Variants in CREB5 observed in about 807,000 individuals in gnomAD.
CREB5 encodes the protein cAMP responsive element binding protein 5.
Under a neutral mutation model 57.1 loss-of-function variants are expected in CREB5, and 19 were observed. That is an observed-to-expected ratio of 0.33 (90% CI 0.23 to 0.49). The LOEUF is 0.49. Ranked by LOEUF, CREB5 falls within the 20% of genes least tolerant of loss-of-function variation. The probability of loss-of-function intolerance (pLI) is 0.99; values close to 1 mark genes in which losing one functional copy is unlikely to be tolerated. For missense variants in CREB5, 579 were observed against 671.6 expected (o/e 0.86, Z 1.52); for synonymous variants, 238 against 238.3 (o/e 1.00, Z 0.01).
chr7:28,487,257 G>A (rs1028821281), intron 1 of CREB5, among the ~76,000 whole-genome samples: 11 of 152,054 alleles, frequency 7.2e-5, no homozygotes, highest in Admixed American at 2.6e-4. Flanking sequence ...CTTCAGTGCC[G>A]ATTACATTAG....
At chr7:28,764,602 A>G (rs1165012572) in intron 7 of CREB5, among the ~76,000 whole-genome samples, 1 of 152,160 alleles carries the variant, frequency 6.6e-6, no homozygotes, top group African/African-American at 2.4e-5. Context: ...TTTGGGTTCT[A>G]TTTTCATATT....
Position 28,820,695 on chromosome 7 carries a change from C to A in CREB5, c.*1416C>A. On this transcript the variant is annotated 3_prime_UTR_variant, in exon 11 of 11. Transcript: ENST00000357727. ...TCATGGATCACTGCAGCAGCATCCTCCGAGTTCAAGCTATCCTTCCACCTC... is the reference window on the plus strand; with the variant it reads ...TCATGGATCACTGCAGCAGCATCCTACGAGTTCAAGCTATCCTTCCACCTC... 1.2e-5 allele frequency: 1 copy of A among 81,014 alleles called. No individual in the cohort carries two copies. The highest frequency in any genetic ancestry group is 5.6e-4 in the South Asian group (1 of 1,770). The allele number at this position is 81,014 out of a possible 1,614,324, so 5.0% of individuals were successfully genotyped here.
intron 5 of CREB5, among the ~76,000 whole-genome samples, chr7:28,649,992 A>G (rs1232385918): frequency 6.6e-6 from 1 of 152,196 alleles, no homozygotes; most frequent in Non-Finnish European, 1.5e-5. Flanking sequence ...ATGCAGACTC[A>G]TGGCCATGTC....
rs556905346 is a variant in CREB5, at chr7:28,368,987, A to G, written c.-25+69546A>G. Among the ~76,000 whole-genome samples, 4 of 152,352 alleles carry G rather than the reference A, an allele frequency of 2.6e-5. No homozygotes were observed. The East Asian group carries it at 7.7e-4, about 29-fold the overall frequency. On this transcript the variant is annotated intron_variant, in intron 1 of 9. Coordinates refer to the CREB5 transcript ENST00000396299. ...CTTGACCCTGGGAGGTCAAGGCTAC[A>G]GTGAGCTGGGTTGGTGCCACTGCAC...
chr7:28,739,529 G>A (rs188898126), intron 7 of CREB5, among the ~76,000 whole-genome samples: 1 of 152,288 alleles, frequency 6.6e-6, no homozygotes, highest in African/African-American at 2.4e-5. Flanking sequence ...TATTATTTGT[G>A]CTAACAAGCT....
At chr7:28,658,731 G>A (rs1020387517) in intron 5 of CREB5, among the ~76,000 whole-genome samples, 2 of 151,996 alleles carry the variant, frequency 1.3e-5, no homozygotes, top group Non-Finnish European at 1.5e-5. Flanking sequence ...TGATGGGAAG[G>A]CCATGTTGAG....
At chr7:28,750,039 A>G (rs1804892296) in intron 7 of CREB5, among the ~76,000 whole-genome samples, 1 of 152,222 alleles carries the variant, frequency 6.6e-6, no homozygotes, top group Non-Finnish European at 1.5e-5. Flanking sequence ...TAAATGATAA[A>G]GTATGTTTCC....
At chr7:28,669,212 G>T (rs112706714) in intron 5 of CREB5, among the ~76,000 whole-genome samples, 1,531 of 152,282 alleles carry the variant, frequency 0.01, 20 homozygotes, top group Non-Finnish European at 0.014. Context: ...AATCAAACAT[G>T]TCCAGTTTGG....
At chr7:28,363,225 C>T (rs1786524799) in intron 1 of CREB5, among the ~76,000 whole-genome samples, 1 of 152,132 alleles carries the variant, frequency 6.6e-6, no homozygotes. Context: ...CTTCACTTTT[C>T]TTCCCCTGTC....
At chr7:28,736,915 C>G (rs1804016190) in intron 7 of CREB5, among the ~76,000 whole-genome samples, 1 of 149,514 alleles carries the variant, frequency 6.7e-6, no homozygotes, top group African/African-American at 2.5e-5. Flanking sequence ...GTGCATGGAG[C>G]ACATCATTTC....
intron 1 of CREB5, among the ~76,000 whole-genome samples, chr7:28,332,722 A>G (rs2061602353): frequency 6.6e-6 from 1 of 152,030 alleles, no homozygotes; most frequent in Non-Finnish European, 1.5e-5. Flanking sequence ...TAACATGTAC[A>G]TTTTTCTGTA....
At chr7:28,687,119 A>G (rs917834457) in intron 5 of CREB5, among the ~76,000 whole-genome samples, 11 of 152,316 alleles carry the variant, frequency 7.2e-5, no homozygotes, top group Middle Eastern at 3.4e-3. Context: ...GTAATAGATG[A>G]TGATCCTCAA....
chr7:28,654,996 G>A (rs898570263), intron 5 of CREB5, among the ~76,000 whole-genome samples: 18 of 151,936 alleles, frequency 1.2e-4, no homozygotes, highest in African/African-American at 4.1e-4. Context: ...CTGCAGCCTC[G>A]ACCTCCTGAG....
Position 28,575,767 on chromosome 7 carries a change from C to T in CREB5, c.464+5230C>T, listed in dbSNP as rs181837528. Among the ~76,000 whole-genome samples, 3 of 152,278 alleles carry T rather than the reference C, an allele frequency of 2.0e-5. No individual in the cohort carries two copies. The East Asian group carries it at 5.8e-4, about 29-fold the overall frequency. ...GCTGTATCTTTCACAGCCCCGAGAA[C>T]ATTTACGAGGGCCCTTCTGGGGGAT... On this transcript the variant is annotated intron_variant, in intron 5 of 10. Coordinates refer to ENST00000357727, the MANE Select transcript of CREB5 (RefSeq NM_182898.4).
chr7:28,565,068 A>C (rs1035593414), intron 4 of CREB5, among the ~76,000 whole-genome samples: 11 of 152,218 alleles, frequency 7.2e-5, no homozygotes, highest in Admixed American at 3.3e-4. Flanking sequence ...AGGGTAGACA[A>C]ACTGGACTAG....
chr7:28,800,271 A>C (rs147138901), intron 7 of CREB5, among the ~76,000 whole-genome samples: 102 of 152,342 alleles, frequency 6.7e-4, no homozygotes, highest in African/African-American at 2.4e-3. Flanking sequence ...TCTGAAGTAC[A>C]TCTGAAGAAA....
chr7:28,591,086 C>A (rs1016108190), intron 5 of CREB5, among the ~76,000 whole-genome samples: 1 of 152,208 alleles, frequency 6.6e-6, no homozygotes, highest in African/African-American at 2.4e-5. Context: ...ACTGTTTAGT[C>A]TCACATAAAA....
At chr7:28,804,846 A>G (rs914644570) in intron 8 of CREB5, among the ~76,000 whole-genome samples, 6 of 152,236 alleles carry the variant, frequency 3.9e-5, no homozygotes, top group Admixed American at 1.3e-4. Flanking sequence ...ATTAGGAAGA[A>G]CTTAAGCTTG....
At chr7:28,600,802 T>C (rs746191031) in intron 5 of CREB5, among the ~76,000 whole-genome samples, 36 of 152,174 alleles carry the variant, frequency 2.4e-4, no homozygotes, top group Non-Finnish European at 3.2e-4. Flanking sequence ...ATACATATCC[T>C]AGGGTCTTTA....
Sources: allele counts gnomAD v4.1 joint callset (sites outside exome capture counted in the v4.1 genomes callset), GRCh38; gene constraint gnomAD v4.1.1; transcripts MANE v1.5; gene names NCBI Gene and HGNC (gene_info 2026-07-23, HGNC 2026-07-21).